JMJD1C: variants seen among roughly 807,000 people sequenced by gnomAD.
The protein encoded by JMJD1C is jumonji domain-containing protein 1C.
In JMJD1C, 31 loss-of-function variants were observed where a neutral mutation model predicts 245.3. The ratio of observed to expected loss-of-function variants is 0.13; its 90% CI spans 0.09 to 0.17. The LOEUF is 0.17. Among genes scored for constraint, JMJD1C ranks in the 10% least tolerant of loss-of-function variants. The pLI is 1.00. For synonymous variants in JMJD1C, 1,057 were observed against 1,017.4 expected (o/e 1.04, Z -0.74); for missense variants, 2,691 against 3,000.2 (o/e 0.90, Z 2.41).
At chr10:63,295,328 G>T (rs531605543) in intron 2 of JMJD1C, among the ~76,000 whole-genome samples, 4 of 151,240 alleles carry the variant, frequency 2.6e-5, no homozygotes, top group Admixed American at 2.6e-4. Context: ...GGCCTGAAGT[G>T]ATACTCCTGC....
At chr10:63,174,295 T>C (rs1842668420) in intron 24 of JMJD1C, among the ~76,000 whole-genome samples, 1 of 152,156 alleles carries the variant, frequency 6.6e-6, no homozygotes, top group Admixed American at 6.5e-5. Flanking sequence ...AAAATGTACT[T>C]CAGCTGGTGA....
chr10:63,237,963 C>T (rs1354615430), intron 3 of JMJD1C, among the ~76,000 whole-genome samples: 2 of 118,388 alleles, frequency 1.7e-5, no homozygotes, highest in East Asian at 5.5e-4. Flanking sequence ...AAGGTCAAAA[C>T]TTAGAGACCA....
chr10:63,518,068 C>T (rs1955079201), intron 1 of JMJD1C, among the ~76,000 whole-genome samples: 1 of 152,184 alleles, frequency 6.6e-6, no homozygotes, highest in South Asian at 2.1e-4. Context: ...GCTGGGATTA[C>T]AGGCATGAGC....
chr10:63,266,448 G>A (rs563736272), intron 2 of JMJD1C, among the ~76,000 whole-genome samples: 164 of 152,170 alleles, frequency 1.1e-3, no homozygotes, highest in South Asian at 1.9e-3. Flanking sequence ...AAATTCAAGA[G>A]CATTTATTGT....
intron 2 of JMJD1C, among the ~76,000 whole-genome samples, chr10:63,277,697 A>T (rs947509187): frequency 1.3e-5 from 2 of 148,764 alleles, no homozygotes; most frequent in Non-Finnish European, 3.0e-5. Flanking sequence ...ACCAAGTAAG[A>T]GCAAAATATA....
At chr10:63,487,849 A>C (rs2393977) in intron 1 of JMJD1C, among the ~76,000 whole-genome samples, 63,981 of 152,088 alleles carry the variant, frequency 0.42, 14,198 homozygotes, top group South Asian at 0.53. Flanking sequence ...CAGAGAAGAA[A>C]CTATCGTTTA....
At chr10:63,486,164 A>C (rs959881349) in intron 1 of JMJD1C, among the ~76,000 whole-genome samples, 20 of 43,094 alleles carry the variant, frequency 4.6e-4, no homozygotes, top group East Asian at 1.5e-3. Context: ...AAAAAAAAAA[A>C]AAAACAAAAA....
chr10:63,273,347 A>G (rs943293838), intron 2 of JMJD1C, among the ~76,000 whole-genome samples: 1 of 152,144 alleles, frequency 6.6e-6, no homozygotes, highest in East Asian at 1.9e-4. Flanking sequence ...AAGTGCCACC[A>G]TATCTGGCTA....
At chr10:63,302,711 C>G (rs1160708614) in intron 2 of JMJD1C, among the ~76,000 whole-genome samples, 2 of 152,174 alleles carry the variant, frequency 1.3e-5, no homozygotes, top group Non-Finnish European at 2.9e-5. Flanking sequence ...TAGACCCAGA[C>G]AGTAATTAGT....
At chr10:63,322,489 G>C (rs1403531457) in intron 2 of JMJD1C, among the ~76,000 whole-genome samples, 3 of 152,252 alleles carry the variant, frequency 2.0e-5, no homozygotes, top group Admixed American at 6.5e-5. Flanking sequence ...AGATAGAATA[G>C]GGTTTAACTT....
intron 3 of JMJD1C, among the ~76,000 whole-genome samples, chr10:63,233,532 T>C (rs1307377340): frequency 6.6e-6 from 1 of 152,032 alleles, no homozygotes; most frequent in Non-Finnish European, 1.5e-5. Context: ...ATATAATTGT[T>C]TTCATTATAT....
At position 63,392,867 on chromosome 10, in the gene JMJD1C, AACACACACACAC is replaced by A. The variant is rs34778084; in HGVS notation, c.169-12397_169-12386del. On this transcript the variant is annotated intron_variant, in intron 1 of 25. Transcript: ENST00000399262. ...AAAAAGGTGGGCAAAAAAGTACATA[AACACACACACAC>A]ACACACACACACACACACACACACA... Among the ~76,000 whole-genome samples, 194 of 112,282 alleles carry A rather than the reference AACACACACACAC, an allele frequency of 1.7e-3. 2 individuals are homozygous for A. The highest frequency in any genetic ancestry group is 9.6e-3 in the Middle Eastern group (2 of 208). 73.7% of individuals were successfully genotyped at this position (112,282 alleles called of 152,430 possible). A position where few individuals can be genotyped will look rare whatever the true frequency, so the allele number is the denominator to read the frequency against.
intron 2 of JMJD1C, among the ~76,000 whole-genome samples, chr10:63,316,033 G>C (rs935112870): frequency 3.9e-5 from 6 of 152,010 alleles, no homozygotes; most frequent in African/African-American, 1.4e-4. Context: ...AGCCAGGCAT[G>C]ATGGTGCACA....
intron 2 of JMJD1C, among the ~76,000 whole-genome samples, chr10:63,284,904 C>T (rs1564734271): frequency 8.8e-6 from 1 of 114,066 alleles, no homozygotes; most frequent in Non-Finnish European, 2.0e-5. Context: ...CACACACACA[C>T]ACATTCTCTC....
In JMJD1C at chr10:63,339,916, A is replaced by G. The variant is rs138377931; in HGVS notation, c.333+40402T>C. Among the ~76,000 whole-genome samples, 3 of 152,228 alleles carry G rather than the reference A, an allele frequency of 2.0e-5. No individual in the cohort carries two copies. The East Asian group carries it at 5.8e-4, about 29-fold the overall frequency. ...ATCCTTCAGCTGAAATTCTCATTAC[A>G]GGCATGCACCTGTAGTCCCTGTAGT... On this transcript the variant is annotated intron_variant, in intron 2 of 25. Coordinates refer to ENST00000399262, the MANE Select transcript of JMJD1C (RefSeq NM_032776.3).
intron 1 of JMJD1C, among the ~76,000 whole-genome samples, chr10:63,456,086 A>G (rs1007510956): frequency 6.6e-6 from 1 of 152,116 alleles, no homozygotes; most frequent in Non-Finnish European, 1.5e-5. Context: ...TGAAATACAT[A>G]TAGTCTATAT....
intron 3 of JMJD1C, among the ~76,000 whole-genome samples, chr10:63,238,425 C>A (rs1360566442): frequency 2.0e-5 from 3 of 151,842 alleles, no homozygotes; most frequent in Non-Finnish European, 4.4e-5. Flanking sequence ...TATAGTTTAT[C>A]TTTAAAAAAG....
intron 3 of JMJD1C, among the ~76,000 whole-genome samples, chr10:63,243,114 T>TATATATAA (rs1564668801): frequency 7.0e-6 from 1 of 142,898 alleles, no homozygotes; most frequent in Non-Finnish European, 1.5e-5. Context: ...TATATATATA[T>TATATATAA]ATATATATAT....
Position 63,465,692 on chromosome 10 carries a change from C to T in JMJD1C, c.-30G>A. The T allele has an allele frequency of 6.2e-7, 1 of 1,603,722 alleles. No individual in the cohort carries two copies. The highest frequency in any genetic ancestry group is 8.5e-7 in the Non-Finnish European group (1 of 1,179,456). ...GTCGCTGCCGAAGCGGCCGCTGCCTCCTCCAGTGCGAGGGAACCGATGAAA... is the reference window on the plus strand; with the variant it reads ...GTCGCTGCCGAAGCGGCCGCTGCCTTCTCCAGTGCGAGGGAACCGATGAAA... On this transcript the variant is annotated 5_prime_UTR_variant, in exon 1 of 26. Transcript: ENST00000399262.
Sources: allele counts gnomAD v4.1 joint callset (sites outside exome capture counted in the v4.1 genomes callset), GRCh38; gene constraint gnomAD v4.1.1; transcripts MANE v1.5; gene names NCBI Gene and HGNC (gene_info 2026-07-23, HGNC 2026-07-21).